ATXN10: variants seen among roughly 807,000 people sequenced by gnomAD.
The protein encoded by ATXN10 is ataxin-10.
ATXN10 carries 28 observed loss-of-function variants against 52.9 expected under a neutral mutation model. The ratio of observed to expected loss-of-function variants is 0.53; its 90% CI spans 0.39 to 0.73. The LOEUF (loss-of-function observed/expected upper bound fraction) is 0.73, where lower values mean the gene tolerates loss of function less well. Ranked by LOEUF, ATXN10 falls within the 30% of genes least tolerant of loss-of-function variation. The pLI is 0.00. For synonymous variants in ATXN10, 226 were observed against 221.5 expected (o/e 1.02, Z -0.18); for missense variants, 565 against 577.0 (o/e 0.98, Z 0.21).
At chr22:45,803,371 C>T (rs1430242745) in intron 9 of ATXN10, among the ~76,000 whole-genome samples, 2 of 152,222 alleles carry the variant, frequency 1.3e-5, no homozygotes, top group Non-Finnish European at 2.9e-5. Context: ...CTCCCACAGT[C>T]CCCTTTGCCT....
chr22:45,725,362 T>A (rs959524758), intron 6 of ATXN10, among the ~76,000 whole-genome samples: 1 of 152,064 alleles, frequency 6.6e-6, no homozygotes, highest in Admixed American at 6.6e-5. Context: ...CTTGTAGAGA[T>A]CTTTCACCTT....
In ATXN10 at chr22:45,842,979, C is replaced by T; in HGVS notation, c.1238-12C>T. The T allele has an allele frequency of 6.2e-7, 1 of 1,614,054 alleles. No homozygotes were observed. Among genetic ancestry groups the T allele is most frequent in the Non-Finnish European group, 8.5e-7 (1 of 1,179,902 alleles). ...GAAAGTACGTTGTCACATTCCTTCA[C>T]TCTGGCTCCAGTTCTGACCCAGTGG... On this transcript the variant is annotated splice_polypyrimidine_tract_variant and intron_variant, in intron 10 of 11. Transcript: ENST00000252934. This position sits in a 1 kb window ranked among gnomAD's most constrained non-coding sequence, Gnocchi z 4.8.
chr22:45,726,200 CT>C (rs1924861849), intron 6 of ATXN10, among the ~76,000 whole-genome samples: 1 of 152,112 alleles, frequency 6.6e-6, no homozygotes, highest in South Asian at 2.1e-4. Flanking sequence ...GTAGGATTCT[CT>C]CTTTCTCAAC....
intron 3 of ATXN10, among the ~76,000 whole-genome samples, chr22:45,693,630 G>C (rs370999832): frequency 2.0e-5 from 3 of 152,144 alleles, no homozygotes; most frequent in Non-Finnish European, 4.4e-5. Context: ...TAGGAATTTC[G>C]GAGGGGCACA....
Position 45,763,495 on chromosome 22 carries a change from G to C in ATXN10, c.1173+22957G>C, listed in dbSNP as rs527523593. On this transcript the variant is annotated intron_variant, in intron 9 of 11. Transcript: ENST00000252934. The surrounding 1 kb of genome is among the most constrained non-coding windows in gnomAD (Gnocchi z 6.9). ...TCCTCTCCCCAGCCCCAGGTCTGCAGAGTGTGTGGCTGCTGCACCCTCAGG... is the reference window on the plus strand; with the variant it reads ...TCCTCTCCCCAGCCCCAGGTCTGCACAGTGTGTGGCTGCTGCACCCTCAGG... 5.3e-5 allele frequency among the ~76,000 whole-genome samples: 8 copies of C among 152,292 alleles called. No individual in the cohort carries two copies. The highest frequency in any genetic ancestry group is 1.7e-4 in the African/African-American group (7 of 41,556).
rs1924378284 is a variant in ATXN10, at chr22:45,714,636, C to T, written c.648-3777C>T. Among the ~76,000 whole-genome samples the T allele has an allele frequency of 2.6e-5, 4 of 152,158 alleles. No individual in the cohort carries two copies. The South Asian group carries it at 8.3e-4, about 32-fold the overall frequency. On this transcript the variant is annotated intron_variant, in intron 5 of 11. Transcript: ENST00000252934. ...GCCTTAAGCAGTCCTTCCACCTTGG[C>T]CTCCCAAAGTGCTGGGAATACAGGT... is the stretch of plus-strand genomic sequence containing the variant.
chr22:45,830,948 G>A (rs1342739341), intron 10 of ATXN10, among the ~76,000 whole-genome samples: 1 of 152,178 alleles, frequency 6.6e-6, no homozygotes, highest in African/African-American at 2.4e-5. Flanking sequence ...GTAGCCAAAA[G>A]GTAGAAGCAA....
chr22:45,734,378 C>A, intron 7 of ATXN10: 1 of 287,482 alleles, frequency 3.5e-6, no homozygotes, highest in East Asian at 8.6e-5. Flanking sequence ...AAAGCATTTT[C>A]TGGAAATTAG....
In ATXN10 at chr22:45,772,249, A is replaced by C. The variant is rs79551168; in HGVS notation, c.1173+31711A>C. Among the ~76,000 whole-genome samples the C allele has an allele frequency of 6.6e-6, 1 of 152,172 alleles. No individual in the cohort carries two copies. ...AGGATCCATTTGAGTTAGTCTCTCT[A>C]TAAGGTGTGAGGGTTAGGTCAAGGT... On this transcript the variant is annotated intron_variant, in intron 9 of 11. Transcript: ENST00000252934. The surrounding 1 kb of genome is among the most constrained non-coding windows in gnomAD (Gnocchi z 4.1).
In ATXN10 at chr22:45,718,794, G is replaced by A. The variant is rs367621343; in HGVS notation, c.728+301G>A. ...TTTTAGAATAGTAATTTATGTAACT[G>A]TGTATTACAGTTGAATATTTGAGGT... On this transcript the variant is annotated intron_variant, in intron 6 of 11. Coordinates refer to ENST00000252934, the MANE Select transcript of ATXN10 (RefSeq NM_013236.4). The surrounding 1 kb of genome is among the most constrained non-coding windows in gnomAD (Gnocchi z 4.4). Among the ~76,000 whole-genome samples the A allele has an allele frequency of 1.9e-4, 29 of 152,162 alleles. No homozygotes were observed. The highest frequency in any genetic ancestry group is 3.8e-4 in the Non-Finnish European group (26 of 68,006).
chr22:45,779,424 A>G (rs1024823886), intron 9 of ATXN10, among the ~76,000 whole-genome samples: 2 of 152,172 alleles, frequency 1.3e-5, no homozygotes, highest in East Asian at 1.9e-4. Context: ...AAGACTAAAG[A>G]CGGACTGGAA....
chr22:45,700,768 T>G (rs1923811919), intron 4 of ATXN10, among the ~76,000 whole-genome samples: 1 of 152,150 alleles, frequency 6.6e-6, no homozygotes, highest in Non-Finnish European at 1.5e-5. Flanking sequence ...AGCATCAAAG[T>G]ATGGGCAATG....
chr22:45,690,917 C>T lies in ATXN10; in HGVS notation c.308+1014C>T, dbSNP rs2146738944. 6.6e-6 allele frequency among the ~76,000 whole-genome samples: 1 copy of T among 152,318 alleles called. No homozygotes were observed. Among genetic ancestry groups the T allele is most frequent in the East Asian group, 1.9e-4 (1 of 5,190 alleles). On this transcript the variant is annotated intron_variant, in intron 2 of 11. Coordinates refer to ENST00000252934, the MANE Select transcript of ATXN10 (RefSeq NM_013236.4). This position sits in a 1 kb window ranked among gnomAD's most constrained non-coding sequence, Gnocchi z 4.5. ...TTCCTGGACTTGGATGTAGACAGAGCCTCCAGGCTTCCCTGTCACCACTGT... is the reference window on the plus strand; with the variant it reads ...TTCCTGGACTTGGATGTAGACAGAGTCTCCAGGCTTCCCTGTCACCACTGT...
chr22:45,723,626 T>C (rs1021415862), intron 6 of ATXN10, among the ~76,000 whole-genome samples: 1 of 152,100 alleles, frequency 6.6e-6, no homozygotes, highest in African/African-American at 2.4e-5. Context: ...GAACATATGG[T>C]ATTTGATTTT....
chr22:45,753,377 C>CTTTTTTTTTTTTTTTTTTTTTTTTTTT (rs71190680), intron 9 of ATXN10, among the ~76,000 whole-genome samples: 1 of 57,814 alleles, frequency 1.7e-5, no homozygotes. Flanking sequence ...CTCTTACCAG[C>CTTTTTTTTTTTTTTTTTTTTTTTTTTT]TTTTTTTTTT....
chr22:45,814,304 A>G lies in ATXN10; in HGVS notation c.1237+7282A>G, dbSNP rs551156891. 6.2e-4 allele frequency among the ~76,000 whole-genome samples: 94 copies of G among 152,344 alleles called. No homozygotes were observed. In the Middle Eastern group the frequency reaches 0.01, roughly 17 times the overall value. On this transcript the variant is annotated intron_variant, in intron 10 of 11. Transcript: ENST00000252934. ...AGAAACAATTCAGTTTTTAAAAATG[A>G]CTCAAGACTTGCATGCCACTTCACA...
chr22:45,774,173 C>T lies in ATXN10; in HGVS notation c.1174-32786C>T, dbSNP rs1351776002. Among the ~76,000 whole-genome samples the T allele has an allele frequency of 6.6e-6, 1 of 152,240 alleles. No individual in the cohort carries two copies. Among genetic ancestry groups the T allele is most frequent in the Admixed American group, 6.5e-5 (1 of 15,290 alleles). The stretch of plus-strand genomic sequence containing the variant: ...ACAGCCTGCTAATGTCTGGGGGTGG[C>T]CCTGCCTTAGTAGGCATGGTGGGGC... On this transcript the variant is annotated intron_variant, in intron 9 of 11. Coordinates refer to ENST00000252934, the MANE Select transcript of ATXN10 (RefSeq NM_013236.4). The surrounding 1 kb of genome is among the most constrained non-coding windows in gnomAD (Gnocchi z 6.2).
chr22:45,785,754 G>T (rs1286228319), intron 9 of ATXN10, among the ~76,000 whole-genome samples: 20 of 152,226 alleles, frequency 1.3e-4, no homozygotes, highest in Non-Finnish European at 2.8e-4. Context: ...GTCTGAGGAA[G>T]CCGCGAGGCT....
At position 45,688,698 on chromosome 22, in the gene ATXN10, G is replaced by C. The variant is rs1276444488; in HGVS notation, c.117-1014G>C. ...CTGAATGAACATGTGGCTCCCTGCT[G>C]GTCTGGCTCAATCCAAGGGTGAAAG... On this transcript the variant is annotated intron_variant, in intron 1 of 11. Coordinates refer to ENST00000252934, the MANE Select transcript of ATXN10 (RefSeq NM_013236.4). The surrounding 1 kb of genome is among the most constrained non-coding windows in gnomAD (Gnocchi z 4.0). 6.6e-6 allele frequency among the ~76,000 whole-genome samples: 1 copy of C among 152,178 alleles called. No homozygotes were observed. The highest frequency in any genetic ancestry group is 2.4e-5 in the African/African-American group (1 of 41,430).
Sources: allele counts gnomAD v4.1 joint callset (sites outside exome capture counted in the v4.1 genomes callset), GRCh38; gene constraint gnomAD v4.1.1; non-coding constraint Gnocchi (gnomAD v3.1); transcripts MANE v1.5; gene names NCBI Gene and HGNC (gene_info 2026-07-23, HGNC 2026-07-21).